Variants in PPP2R3A observed in about 807,000 individuals in gnomAD.
The protein encoded by PPP2R3A is protein phosphatase 2 regulatory subunit B''alpha, also known as serine/threonine-protein phosphatase 2A regulatory subunit B'' subunit alpha.
Under a neutral mutation model 106.9 loss-of-function variants are expected in PPP2R3A, and 80 were observed. The observed-to-expected ratio is 0.75, with a 90% CI of 0.62 to 0.90. The LOEUF (loss-of-function observed/expected upper bound fraction) is 0.90. PPP2R3A is among the 40% of genes least tolerant of loss of function. The pLI is 0.00. For missense variants in PPP2R3A, 1,386 were observed against 1,350.4 expected (o/e 1.03, Z -0.41); for synonymous variants, 483 against 468.3 (o/e 1.03, Z -0.41).
chr3:136,144,790 C>T (rs1278089732), intron 13 of PPP2R3A, among the ~76,000 whole-genome samples: 2 of 152,162 alleles, frequency 1.3e-5, no homozygotes, highest in African/African-American at 4.8e-5. Context: ...CCACCAACCA[C>T]CCTAGGGAAA....
chr3:136,063,987 A>G (rs991546262), intron 5 of PPP2R3A, among the ~76,000 whole-genome samples: 3 of 151,134 alleles, frequency 2.0e-5, no homozygotes, highest in Admixed American at 1.3e-4. Flanking sequence ...TTGCGGCACT[A>G]TTCACAATAG....
intron 10 of PPP2R3A, among the ~76,000 whole-genome samples, chr3:136,092,528 C>T (rs1271226913): frequency 1.3e-5 from 2 of 151,800 alleles, no homozygotes; most frequent in African/African-American, 4.8e-5. Context: ...TATTAAATTC[C>T]TATGGAAATA....
intron 13 of PPP2R3A, among the ~76,000 whole-genome samples, chr3:136,126,323 G>A (rs539328870): frequency 2.6e-5 from 4 of 152,362 alleles, no homozygotes; most frequent in Admixed American, 6.5e-5. Flanking sequence ...ATTCTCTCCC[G>A]TGCCTGGCTC....
At chr3:136,075,205 T>C (rs1349164110) in intron 6 of PPP2R3A, among the ~76,000 whole-genome samples, 1 of 152,222 alleles carries the variant, frequency 6.6e-6, no homozygotes, top group South Asian at 2.1e-4. Flanking sequence ...ATTTAACTTA[T>C]ATATCAAGTT....
chr3:136,134,085 ACTG>A (rs1053646890), intron 13 of PPP2R3A, among the ~76,000 whole-genome samples: 2 of 152,192 alleles, frequency 1.3e-5, no homozygotes, highest in African/African-American at 4.8e-5. Context: ...TTGCATTACT[ACTG>A]TATATTAAGC....
chr3:136,088,631 C>G (rs934291170), intron 9 of PPP2R3A, among the ~76,000 whole-genome samples: 2 of 152,074 alleles, frequency 1.3e-5, no homozygotes, highest in Non-Finnish European at 2.9e-5. Context: ...ATTGCTGGGT[C>G]GAATGGTAGT....
At chr3:135,967,332 T>G (rs1370882919) in intron 1 of PPP2R3A, among the ~76,000 whole-genome samples, 2 of 152,208 alleles carry the variant, frequency 1.3e-5, no homozygotes, top group Admixed American at 6.5e-5. Context: ...AAAAATAGCT[T>G]TATGCACTGA....
chr3:136,100,813 G>A (rs1252781117), intron 10 of PPP2R3A, among the ~76,000 whole-genome samples: 2 of 152,128 alleles, frequency 1.3e-5, no homozygotes, highest in African/African-American at 2.4e-5. Flanking sequence ...GGGCAGCAGA[G>A]TGAGACCCCA....
At chr3:136,111,451 A>T (rs1172808093) in intron 13 of PPP2R3A, among the ~76,000 whole-genome samples, 1 of 152,204 alleles carries the variant, frequency 6.6e-6, no homozygotes, top group Non-Finnish European at 1.5e-5. Flanking sequence ...ACTTGAAAGT[A>T]CATTAATCAG....
At chr3:136,096,039 C>A (rs1937207431) in intron 10 of PPP2R3A, among the ~76,000 whole-genome samples, 1 of 152,196 alleles carries the variant, frequency 6.6e-6, no homozygotes, top group African/African-American at 2.4e-5. Flanking sequence ...TGGGCAAAAT[C>A]ATCTAGCACA....
chr3:136,107,137 T>C (rs1039251328), intron 13 of PPP2R3A, among the ~76,000 whole-genome samples: 6 of 152,092 alleles, frequency 3.9e-5, no homozygotes, highest in South Asian at 2.1e-4. Flanking sequence ...TTCAGCAACT[T>C]TATAATTTGC....
rs940488473 is a variant in PPP2R3A, at chr3:136,001,156, A to C, written c.-343A>C. On this transcript the variant is annotated 5_prime_UTR_variant, in exon 2 of 14. Transcript: ENST00000264977. ...CTACCAACTAAGATTTATGATAGTA[A>C]ATTTATGAGAGCAAATTTCCATGTT... The C allele has an allele frequency of 4.9e-6, 2 of 408,966 alleles. No homozygotes were observed. Among genetic ancestry groups the C allele is most frequent in the African/African-American group, 4.1e-5 (2 of 48,686 alleles). 25.3% of individuals were successfully genotyped at this position (408,966 alleles called of 1,614,324 possible).
intron 5 of PPP2R3A, chr3:136,055,201 G>A: frequency 1.3e-6 from 1 of 746,140 alleles, no homozygotes; most frequent in South Asian, 1.6e-5. Context: ...AGATGACTGT[G>A]CAAGATAAAA....
chr3:136,005,630 G>T (rs1364704715), intron 2 of PPP2R3A, among the ~76,000 whole-genome samples: 6 of 151,574 alleles, frequency 4.0e-5, no homozygotes, highest in East Asian at 1.9e-4. Flanking sequence ...CCTTCACATG[G>T]TTTTTTTTCC....
intron 2 of PPP2R3A, among the ~76,000 whole-genome samples, chr3:136,021,064 G>A (rs1471794433): frequency 6.6e-6 from 1 of 152,044 alleles, no homozygotes; most frequent in African/African-American, 2.4e-5. Context: ...TACAGCCACA[G>A]GTTGGTGTTG....
At position 136,145,210 on chromosome 3, in the gene PPP2R3A, TTC is replaced by T. The variant is rs762915915; in HGVS notation, c.*46_*47del. 2.0e-5 allele frequency: 31 copies of T among 1,571,202 alleles called. No homozygotes were observed. Among genetic ancestry groups the T allele is most frequent in the Non-Finnish European group, 2.5e-5 (29 of 1,161,774 alleles). On this transcript the variant is annotated 3_prime_UTR_variant, in exon 14 of 14. Coordinates refer to ENST00000264977, the MANE Select transcript of PPP2R3A (RefSeq NM_002718.5). ...AAACGAAGATGTGTATTTTAAATGTTTCTTTCTTGTGAAGAGATGTTCTCGTT... is the reference window on the plus strand; with the variant it reads ...AAACGAAGATGTGTATTTTAAATGTTTTTCTTGTGAAGAGATGTTCTCGTT...
intron 2 of PPP2R3A, among the ~76,000 whole-genome samples, chr3:136,022,177 C>G (rs1246055281): frequency 6.6e-6 from 1 of 152,112 alleles, no homozygotes; most frequent in Non-Finnish European, 1.5e-5. Context: ...TATGTCATTG[C>G]TGTTTGATCA....
chr3:136,022,970 A>G (rs558563888), intron 2 of PPP2R3A: 1 of 1,559,966 alleles, frequency 6.4e-7, no homozygotes, highest in Admixed American at 2.1e-5. Flanking sequence ...AGATAAGAAG[A>G]AAAAATACCT....
Position 136,118,128 on chromosome 3 carries a change from G to A in PPP2R3A, c.3329+11806G>A, listed in dbSNP as rs138605501. Among the ~76,000 whole-genome samples, 40 of 152,152 alleles carry A rather than the reference G, an allele frequency of 2.6e-4. No homozygotes were observed. In the East Asian group the frequency reaches 3.5e-3, roughly 13 times the overall value. On this transcript the variant is annotated intron_variant, in intron 13 of 13. Transcript: ENST00000264977. ...ATAAACAGAACCAGTGACAAAAACC[G>A]CATGGTTATCTCAATAGATGTAGAA...
Sources: allele counts gnomAD v4.1 joint callset (sites outside exome capture counted in the v4.1 genomes callset), GRCh38; gene constraint gnomAD v4.1.1; transcripts MANE v1.5; gene names NCBI Gene and HGNC (gene_info 2026-07-23, HGNC 2026-07-21).